The following ARHGAP27 variants were observed in gnomAD, a reference collection of about 807,000 sequenced individuals.
The protein encoded by ARHGAP27 is Rho GTPase activating protein 27, also known as rho GTPase-activating protein 27.
In ARHGAP27, 53 loss-of-function variants were observed where a neutral mutation model predicts 102.0. That is an observed-to-expected ratio of 0.52 (90% CI 0.42 to 0.65). The LOEUF (loss-of-function observed/expected upper bound fraction) is 0.65. Ranked by LOEUF, ARHGAP27 falls within the 30% of genes least tolerant of loss-of-function variation. The pLI is 0.00. For synonymous variants in ARHGAP27, 525 were observed against 542.8 expected, an observed-to-expected ratio of 0.97 and a Z score of 0.46; for missense variants, 1,117 against 1,256.2, an observed-to-expected ratio of 0.89 and a Z score of 1.68.
At chr17:45,424,306 C>T (rs1170175864) in intron 4 of ARHGAP27, among the ~76,000 whole-genome samples, 1 of 152,246 alleles carries the variant, frequency 6.6e-6, no homozygotes, top group Admixed American at 6.5e-5. Flanking sequence ...CACCTCTGTG[C>T]CTGTGCCCCA....
rs2050067723 is a variant in ARHGAP27, at chr17:45,431,692, C to G, written c.-90G>C. Reference sequence around the variant, plus strand: ...CCGGCGGTGGCTGCAGGTTAGGCCCCTACCATCGCCCTGGGCGGGGTTTCC... The same window carrying G: ...CCGGCGGTGGCTGCAGGTTAGGCCCGTACCATCGCCCTGGGCGGGGTTTCC... On this transcript the variant is annotated 5_prime_UTR_variant, in exon 3 of 20. Transcript: ENST00000685559. The G allele has an allele frequency of 5.8e-6, 1 of 173,030 alleles. No individual in the cohort carries two copies. The highest frequency in any genetic ancestry group is 6.4e-5 in the Admixed American group (1 of 15,584). The allele number at this position is 173,030 out of a possible 1,614,324, so 10.7% of individuals were successfully genotyped here. A position where few individuals can be genotyped will look rare whatever the true frequency, so the allele number is the denominator to read the frequency against.
rs548359607 is a variant in ARHGAP27 at position 45,393,936 on chromosome 17, A to C, written c.*1520T>G. Reference sequence around the variant, plus strand: ...GAGAATAGAACATATTTTATTTAACAGTTGTTAGCTTGATTGATAACTTTT... The same window carrying C: ...GAGAATAGAACATATTTTATTTAACCGTTGTTAGCTTGATTGATAACTTTT... On this transcript the variant is annotated 3_prime_UTR_variant, in exon 20 of 20. Transcript: ENST00000685559. The C allele has an allele frequency of 1.3e-5, 2 of 152,678 alleles. No homozygotes were observed. Among genetic ancestry groups the C allele is most frequent in the African/African-American group, 4.8e-5 (2 of 41,470 alleles). 9.5% of individuals were successfully genotyped at this position (152,678 alleles called of 1,614,324 possible). A position where few individuals can be genotyped will look rare whatever the true frequency, so the allele number is the denominator to read the frequency against.
rs543468441 is a variant in ARHGAP27 at position 45,422,344 on chromosome 17, G to T, written c.657+7279C>A. Among the ~76,000 whole-genome samples, 17 of 151,806 alleles carry T rather than the reference G, an allele frequency of 1.1e-4. No individual in the cohort carries two copies. The South Asian group carries it at 1.5e-3, about 13-fold the overall frequency. ...AGGCAGGAGAATTGCCTCAGCCAGG[G>T]AGGCTGAGGCTGCAGAGAGCCATGA... On this transcript the variant is annotated intron_variant, in intron 4 of 19. Coordinates refer to ENST00000685559, the MANE Select transcript of ARHGAP27 (RefSeq NM_001282290.2).
chr17:45,396,518 C>G lies in ARHGAP27; in HGVS notation c.2142G>C (p.Val714=), dbSNP rs1319458548. The change falls in exon 16 of 20, where the codon GTG becomes GTC. Residue 714 remains valine (V), a synonymous_variant. Transcript: ENST00000685559. ...ERERSRVPRF[V]QQCIRAVEAR... ...CCTCGACGGCGCGGATGCACTGCTGCACGAAGCGTGGCACCCGGCTCCTCT... is the reference window on the plus strand; with the variant it reads ...CCTCGACGGCGCGGATGCACTGCTGGACGAAGCGTGGCACCCGGCTCCTCT... The G allele has an allele frequency of 6.4e-7, 1 of 1,573,518 alleles. No homozygotes were observed.
rs2045368678 is a variant in ARHGAP27 at position 45,394,433 on chromosome 17, G to C, written c.*1023C>G. On this transcript the variant is annotated 3_prime_UTR_variant, in exon 20 of 20. Transcript: ENST00000685559. ...GATGGGTGTACTTGTGTGTCAGAGT[G>C]CCAAGAGGGGCTGGGAGCTCCTGCT... 1 of 152,324 alleles carries C rather than the reference G, an allele frequency of 6.6e-6. No homozygotes were observed. The highest frequency in any genetic ancestry group is 1.5e-5 in the Non-Finnish European group (1 of 68,114). 9.4% of individuals were successfully genotyped at this position (152,324 alleles called of 1,614,324 possible).
In ARHGAP27 at chr17:45,404,595, T is replaced by C. The variant is rs1268611213; in HGVS notation, c.1329+6A>G. The C allele has an allele frequency of 6.2e-7, 1 of 1,613,690 alleles. No homozygotes were observed. Among genetic ancestry groups the C allele is most frequent in the South Asian group, 1.1e-5 (1 of 91,070 alleles). On this transcript the variant is annotated splice_donor_region_variant and intron_variant, in intron 7 of 19. Transcript: ENST00000685559. The stretch of plus-strand genomic sequence containing the variant: ...CCCCAACACCCCCCTTTCCCCAGGT[T>C]GTTACCTGGGGCAGCTCCCATCGAA...
Position 45,395,272 on chromosome 17 carries a change from T to C in ARHGAP27, c.*184A>G, listed in dbSNP as rs2045453558. The C allele has an allele frequency of 1.5e-6, 1 of 676,374 alleles. No homozygotes were observed. Among genetic ancestry groups the C allele is most frequent in the Admixed American group, 3.2e-5 (1 of 31,312 alleles). The allele number at this position is 676,374 out of a possible 1,614,324, so 41.9% of individuals were successfully genotyped here. A position where few individuals can be genotyped will look rare whatever the true frequency, so the allele number is the denominator to read the frequency against. Reference sequence around the variant, plus strand: ...GGGATGGGGAGTTGGGAAGAAGGAATCACATTTTGCAAACTGCCCACTAGG... The same window carrying C: ...GGGATGGGGAGTTGGGAAGAAGGAACCACATTTTGCAAACTGCCCACTAGG... On this transcript the variant is annotated 3_prime_UTR_variant, in exon 20 of 20. Coordinates refer to ENST00000685559, the MANE Select transcript of ARHGAP27 (RefSeq NM_001282290.2).
Position 45,395,758 on chromosome 17 carries a change from G to A in ARHGAP27, c.2478C>T (p.Phe826=). The change falls in exon 19 of 20, where the codon TTC becomes TTT. Residue 826 remains phenylalanine (F), a synonymous_variant. Transcript: ENST00000685559. Reference sequence around the variant, plus strand: ...GCCCGGCTCACCGGCAGAGGTGCTGGAAGAGCATCCGCAGAGTGTCGTGGT... The same window carrying A: ...GCCCGGCTCACCGGCAGAGGTGCTGAAAGAGCATCCGCAGAGTGTCGTGGT... ...APNHDTLRML[F]QHLCRVIEHG... 1.9e-6 allele frequency: 3 copies of A among 1,599,256 alleles called. No individual in the cohort carries two copies. The highest frequency in any genetic ancestry group is 1.7e-6 in the Non-Finnish European group (2 of 1,176,086).
intron 4 of ARHGAP27, chr17:45,425,506 GGA>G: frequency 2.1e-6 from 2 of 958,610 alleles, no homozygotes; most frequent in Non-Finnish European, 2.5e-6. Context: ...GAAAGGGAGG[GGA>G]GAGATTGGGG....
At chr17:45,417,155 T>TC (rs1239857949) in intron 4 of ARHGAP27, among the ~76,000 whole-genome samples, 1 of 142,622 alleles carries the variant, frequency 7.0e-6, no homozygotes, top group African/African-American at 2.6e-5. Flanking sequence ...AAACTCTGTC[T>TC]CAAAAAAAAA....
chr17:45,429,901 C>G lies in ARHGAP27; in HGVS notation c.379G>C (p.Gly127Arg). The G allele has an allele frequency of 8.6e-7, 1 of 1,162,498 alleles. No individual in the cohort carries two copies. The highest frequency in any genetic ancestry group is 1.7e-5 in the African/African-American group (1 of 59,902). 72.0% of individuals were successfully genotyped at this position (1,162,498 alleles called of 1,614,324 possible). ...AGGCTGCTGCGCTGGGTCGCGGCGC[C>G]GCGTTGCGCAGGGCCGCACAGGGAG... ...ASSLCGPAQR[G>R]AATQRSSLAP... The change falls in exon 4 of 20, where the codon GGC becomes CGC. Residue 127 changes from glycine (G) to arginine (R), a missense_variant. By Grantham distance (125) the Gly-to-Arg change is moderately radical (BLOSUM62 -2). This residue lies in a region of ARHGAP27 where 610 missense variants were observed against 716.4 expected (regional missense o/e 0.85). Transcript: ENST00000685559.
Position 45,430,011 on chromosome 17 carries a change from G to T in ARHGAP27, c.269C>A (p.Pro90Gln). 1 of 1,194,084 alleles carries T rather than the reference G, an allele frequency of 8.4e-7. No individual in the cohort carries two copies. Among genetic ancestry groups the T allele is most frequent in the Non-Finnish European group, 1.0e-6 (1 of 965,166 alleles). The allele number at this position is 1,194,084 out of a possible 1,614,324, so 74.0% of individuals were successfully genotyped here. A position where few individuals can be genotyped will look rare whatever the true frequency, so the allele number is the denominator to read the frequency against. ...GPHPSPAAPE[P>Q]LAYDYRFVSA... ...CACAAACCGGTAGTCGTAGGCGAGC[G>T]GCTCAGGGGCCGCGGGGCTCGGGTG... The change falls in exon 4 of 20, where the codon CCG becomes CAG. Residue 90 changes from proline (P) to glutamine (Q), a missense_variant. By Grantham distance (76) the Pro-to-Gln change is moderately conservative. Around this residue, in one of 3 missense-constraint regions of ARHGAP27, gnomAD observed 610 missense variants for 716.4 expected, o/e 0.85. Coordinates refer to ENST00000685559, the MANE Select transcript of ARHGAP27 (RefSeq NM_001282290.2). This position sits in a 1 kb window ranked among gnomAD's most constrained non-coding sequence, Gnocchi z 4.4.
At chr17:45,424,904 C>T (rs1008801215) in intron 4 of ARHGAP27, among the ~76,000 whole-genome samples, 32 of 152,204 alleles carry the variant, frequency 2.1e-4, no homozygotes, top group African/African-American at 7.0e-4. Flanking sequence ...GTCCTGGGGC[C>T]CATCGCAGGC....
Position 45,404,617 on chromosome 17 carries a change from C to G in ARHGAP27, c.1313G>C (p.Arg438Pro). 1 of 1,613,980 alleles carries G rather than the reference C, an allele frequency of 6.2e-7. No homozygotes were observed. Among genetic ancestry groups the G allele is most frequent in the Non-Finnish European group, 8.5e-7 (1 of 1,179,942 alleles). The change falls in exon 7 of 20, where the codon CGA becomes CCA. Residue 438 changes from arginine (R) to proline (P), a missense_variant. Physicochemically the swap from Arg to Pro is moderately radical, Grantham distance 103. Transcript: ENST00000685559. Reference sequence around the variant, plus strand: ...GGTTGTTACCTGGGGCAGCTCCCATCGAACAGAGGAGTCCTCTGGATTGTA... The same window carrying G: ...GGTTGTTACCTGGGGCAGCTCCCATGGAACAGAGGAGTCCTCTGGATTGTA... ...YFYNPEDSSV[R>P]WELPQVPVPA...
At position 45,424,987 on chromosome 17, in the gene ARHGAP27, T is replaced by A. The variant is rs2049419557; in HGVS notation, c.657+4636A>T. On this transcript the variant is annotated intron_variant, in intron 4 of 19. Coordinates refer to ENST00000685559, the MANE Select transcript of ARHGAP27 (RefSeq NM_001282290.2). Reference sequence around the variant, plus strand: ...CAGGCTCCAGCGAGACCTGAAGAGATCATGGGGCCTGCAGGAGAGCCAGGG... The same window carrying A: ...CAGGCTCCAGCGAGACCTGAAGAGAACATGGGGCCTGCAGGAGAGCCAGGG... Among the ~76,000 whole-genome samples the A allele has an allele frequency of 2.4e-5, 3 of 125,658 alleles. No homozygotes were observed. The South Asian group carries it at 8.5e-4, about 35-fold the overall frequency. 82.4% of individuals were successfully genotyped at this position (125,658 alleles called of 152,430 possible). A position where few individuals can be genotyped will look rare whatever the true frequency, so the allele number is the denominator to read the frequency against.
intron 4 of ARHGAP27, among the ~76,000 whole-genome samples, chr17:45,406,490 C>T (rs2047178540): frequency 6.6e-6 from 1 of 152,112 alleles, no homozygotes; most frequent in African/African-American, 2.4e-5. Flanking sequence ...TATTTAGTGC[C>T]CCAGACGGGT....
In ARHGAP27 at chr17:45,395,823, G is replaced by A. The variant is rs200476306; in HGVS notation, c.2413C>T (p.Arg805Cys). Reference sequence around the variant, plus strand: ...GAGCGCACCAAGTCACGCACACAGCGGCTGCGCCGGGCCTGGTCCTGCAAC... The same window carrying A: ...GAGCGCACCAAGTCACGCACACAGCAGCTGCGCCGGGCCTGGTCCTGCAAC... Reference protein sequence around the residue: ...IKLQDQARRSRCVRDLVRSLP... With the variant: ...IKLQDQARRSCCVRDLVRSLP... Residue 805 changes from arginine to cysteine, a missense_variant, in exon 19 of 20, where the codon CGC becomes TGC. Arg to Cys is a radical substitution (Grantham distance 180, BLOSUM62 -3). Transcript: ENST00000685559. The A allele has an allele frequency of 3.1e-6, 5 of 1,602,982 alleles. No individual in the cohort carries two copies. The African/African-American group carries it at 4.0e-5, about 13-fold the overall frequency.
chr17:45,425,503 A>G, intron 4 of ARHGAP27: 2 of 953,288 alleles, frequency 2.1e-6, no homozygotes, highest in Non-Finnish European at 2.5e-6. Context: ...CGGGAAAGGG[A>G]GGGGAGAGAT....
chr17:45,403,896 G>T, intron 10 of ARHGAP27, 133 bp downstream of exon 10: 1 of 1,098,668 alleles, frequency 9.1e-7, no homozygotes, highest in Non-Finnish European at 1.3e-6. Flanking sequence ...ATCTCACAGT[G>T]TCTCAGGGTC....
Sources: allele counts gnomAD v4.1 joint callset (sites outside exome capture counted in the v4.1 genomes callset), GRCh38; gene constraint gnomAD v4.1.1; regional missense constraint gnomAD v4.1.1; non-coding constraint Gnocchi (gnomAD v3.1); transcripts MANE v1.5; gene names NCBI Gene and HGNC (gene_info 2026-07-23, HGNC 2026-07-21).